TNKS: variants seen among roughly 807,000 people sequenced by gnomAD.
The protein encoded by TNKS is poly [ADP-ribose] polymerase tankyrase-1.
A neutral mutation model predicts 135.8 loss-of-function variants in TNKS; 72 were observed. The observed-to-expected ratio is 0.53, with a 90% CI of 0.44 to 0.64. The LOEUF (loss-of-function observed/expected upper bound fraction) is 0.64. TNKS is among the 30% of genes least tolerant of loss of function. TNKS has a pLI of 0.00. For missense variants in TNKS, 1,769 were observed against 1,674.0 expected, an observed-to-expected ratio of 1.06 and a Z score of -0.99; for synonymous variants, 849 against 649.3, an observed-to-expected ratio of 1.31 and a Z score of -4.68.
intron 3 of TNKS, among the ~76,000 whole-genome samples, chr8:9,653,132 T>A (rs1801205826): frequency 6.6e-6 from 1 of 152,152 alleles, no homozygotes; most frequent in Non-Finnish European, 1.5e-5. Flanking sequence ...TAAAGACTGC[T>A]ATAGTGAAGT....
intron 18 of TNKS, among the ~76,000 whole-genome samples, chr8:9,748,818 C>G (rs1300220941): frequency 6.6e-6 from 1 of 152,140 alleles, no homozygotes; most frequent in Non-Finnish European, 1.5e-5. Context: ...TCTTATGATT[C>G]TGTATGTTGG....
intron 3 of TNKS, among the ~76,000 whole-genome samples, chr8:9,624,847 C>T (rs558761031): frequency 6.6e-6 from 1 of 152,090 alleles, no homozygotes; most frequent in Non-Finnish European, 1.5e-5. Context: ...GGCATATCCT[C>T]CCGTATACTT....
At chr8:9,703,228 A>G (rs1399338592) in intron 5 of TNKS, among the ~76,000 whole-genome samples, 1 of 152,146 alleles carries the variant, frequency 6.6e-6, no homozygotes, top group Non-Finnish European at 1.5e-5. Flanking sequence ...TGCTGGAGGA[A>G]GGGATGATTC....
intron 1 of TNKS, among the ~76,000 whole-genome samples, chr8:9,571,333 A>G (rs576007656): frequency 6.6e-6 from 1 of 152,372 alleles, no homozygotes; most frequent in South Asian, 2.1e-4. Flanking sequence ...TCGCTTTGGT[A>G]ATCGTCTTAG....
intron 26 of TNKS, among the ~76,000 whole-genome samples, chr8:9,771,063 T>C (rs1031460531): frequency 6.6e-6 from 1 of 152,020 alleles, no homozygotes; most frequent in Non-Finnish European, 1.5e-5. Flanking sequence ...TGTACACCCA[T>C]GTAAATTTAT....
intron 3 of TNKS, among the ~76,000 whole-genome samples, chr8:9,660,007 G>A (rs1360678272): frequency 1.2e-4 from 19 of 152,234 alleles, no homozygotes; most frequent in Admixed American, 1.1e-3. Flanking sequence ...TAAATTCCTC[G>A]ACACATACAC....
intron 5 of TNKS, among the ~76,000 whole-genome samples, chr8:9,702,687 T>A (rs1454953643): frequency 6.6e-6 from 1 of 152,206 alleles, no homozygotes; most frequent in Admixed American, 6.5e-5. Context: ...ACATGTTTGA[T>A]GATAAAAAAT....
chr8:9,717,362 G>A (rs1804665738), intron 11 of TNKS, among the ~76,000 whole-genome samples: 1 of 151,744 alleles, frequency 6.6e-6, no homozygotes, highest in African/African-American at 2.4e-5. Flanking sequence ...ATGAATACTT[G>A]TAAAACACCT....
intron 5 of TNKS, among the ~76,000 whole-genome samples, chr8:9,695,871 A>T (rs1803489278): frequency 6.6e-6 from 1 of 152,232 alleles, no homozygotes; most frequent in Admixed American, 6.5e-5. Context: ...TTTTGGCCTG[A>T]GTAACTAAAA....
chr8:9,671,675 A>G (rs1802275999), intron 3 of TNKS, among the ~76,000 whole-genome samples: 2 of 152,202 alleles, frequency 1.3e-5, no homozygotes, highest in African/African-American at 4.8e-5. Flanking sequence ...CTTGAAGTGT[A>G]GTGTTCACAC....
chr8:9,574,740 A>T (rs1186071340), intron 1 of TNKS, among the ~76,000 whole-genome samples: 1 of 152,088 alleles, frequency 6.6e-6, no homozygotes, highest in Non-Finnish European at 1.5e-5. Context: ...GAAAGACTTG[A>T]TTTTTTAGCC....
At chr8:9,730,720 A>G (rs1805395347) in intron 13 of TNKS, among the ~76,000 whole-genome samples, 170 bp from the exon 14 acceptor site, 1 of 152,242 alleles carries the variant, frequency 6.6e-6, no homozygotes, top group African/African-American at 2.4e-5. Context: ...GTCGTCACTG[A>G]AAGGCATAGT....
At chr8:9,595,563 AT>A (rs33952716) in intron 2 of TNKS, among the ~76,000 whole-genome samples, 12,997 of 151,914 alleles carry the variant, frequency 0.086, 610 homozygotes, top group South Asian at 0.17. Context: ...ACATATATAT[AT>A]GTTATGTACT....
At chr8:9,662,140 G>C (rs1294076554) in intron 3 of TNKS, among the ~76,000 whole-genome samples, 1 of 152,234 alleles carries the variant, frequency 6.6e-6, no homozygotes, top group South Asian at 2.1e-4. Context: ...CTTTTACACT[G>C]TTGGTGGGAC....
chr8:9,629,933 C>T (rs922176975), intron 3 of TNKS, among the ~76,000 whole-genome samples: 11 of 152,118 alleles, frequency 7.2e-5, no homozygotes, highest in African/African-American at 2.2e-4. Context: ...CCGCCCGCCT[C>T]GGCCTCCCAA....
chr8:9,580,418 A>G, intron 2 of TNKS, 35 bp downstream of exon 2: 1 of 1,587,900 alleles, frequency 6.3e-7, no homozygotes, highest in Admixed American at 1.7e-5. Flanking sequence ...AATTTTAAAT[A>G]AAGGTTTATT....
intron 18 of TNKS, among the ~76,000 whole-genome samples, chr8:9,750,645 G>C (rs780772213): frequency 6.6e-6 from 1 of 152,066 alleles, no homozygotes; most frequent in Non-Finnish European, 1.5e-5. Context: ...TCCAACCAAA[G>C]CCACATGTCC....
chr8:9,559,165 AAAC>A (rs1169813234), intron 1 of TNKS, among the ~76,000 whole-genome samples: 4 of 152,182 alleles, frequency 2.6e-5, no homozygotes, highest in East Asian at 3.9e-4. Flanking sequence ...GGGGAAGCAT[AAAC>A]AACAACAACA....
intron 3 of TNKS, among the ~76,000 whole-genome samples, chr8:9,655,913 G>A (rs1233972729): frequency 1.3e-5 from 2 of 152,202 alleles, no homozygotes; most frequent in African/African-American, 4.8e-5. Flanking sequence ...GATGAGTTGA[G>A]AGAAGAAGGC....
Sources: allele counts gnomAD v4.1 joint callset (sites outside exome capture counted in the v4.1 genomes callset), GRCh38; gene constraint gnomAD v4.1.1; transcripts MANE v1.5; gene names NCBI Gene and HGNC (gene_info 2026-07-23, HGNC 2026-07-21).